DPYS: variants seen among roughly 807,000 people sequenced by gnomAD.
DPYS encodes dihydropyrimidine amidohydrolase.
A neutral mutation model predicts 50.3 loss-of-function variants in DPYS; 39 were observed. The ratio of observed to expected loss-of-function variants is 0.78; its 90% CI spans 0.60 to 1.01. DPYS has a LOEUF of 1.01. DPYS is among the 50% of genes least tolerant of loss of function. The pLI is 0.00. For synonymous variants in DPYS, 245 were observed against 250.7 expected (o/e 0.98, Z 0.22); for missense variants, 659 against 680.9 (o/e 0.97, Z 0.36).
At chr8:104,401,214 C>T (rs1400795422) in intron 7 of DPYS, among the ~76,000 whole-genome samples, 4 of 152,138 alleles carry the variant, frequency 2.6e-5, no homozygotes, top group Admixed American at 2.0e-4. Context: ...CCTCATCTCT[C>T]TACATTGTGT....
intron 4 of DPYS, 123 bp from the exon 5 acceptor site, chr8:104,429,824 C>A: frequency 1.7e-6 from 2 of 1,210,550 alleles, no homozygotes; most frequent in Non-Finnish European, 2.3e-6. Flanking sequence ...TTAGCAGAAT[C>A]CCAAACTATA....
intron 1 of DPYS, among the ~76,000 whole-genome samples, chr8:104,461,291 C>CAATAAAATAAAATAAAATAA (rs5893688): frequency 0.021 from 2,367 of 110,216 alleles, 79 homozygotes; most frequent in African/African-American, 0.065. Flanking sequence ...GACCCTGTCT[C>CAATAAAATAAAATAAAATAA]AATAAAATAA....
intron 7 of DPYS, among the ~76,000 whole-genome samples, chr8:104,414,291 T>A (rs918873053): frequency 2.0e-5 from 3 of 152,214 alleles, no homozygotes; most frequent in African/African-American, 7.2e-5. Context: ...TGTTATCTAA[T>A]TTTATGACTC....
chr8:104,453,569 T>G (rs929967153), intron 1 of DPYS, among the ~76,000 whole-genome samples: 1 of 152,214 alleles, frequency 6.6e-6, no homozygotes, highest in Non-Finnish European at 1.5e-5. Context: ...ACGCAGGATG[T>G]GGAGAAACTA....
At position 104,392,870 on chromosome 8, in the gene DPYS, A is replaced by G; in HGVS notation, c.1357T>C (p.Phe453Leu). 1 of 1,614,188 alleles carries G rather than the reference A, an allele frequency of 6.2e-7. No individual in the cohort carries two copies. The highest frequency in any genetic ancestry group is 1.3e-5 in the African/African-American group (1 of 75,038). ...TTCCCATCTCCTGCCGTGACACTGA[A>G]CACTCCGGCTTCATATACCACTTTG... ...RGKVVYEAGV[F>L]SVTAGDGKFI... Residue 453 changes from phenylalanine to leucine, a missense_variant, in exon 8 of 10, where the codon TTC becomes CTC. Transcript: ENST00000351513.
chr8:104,406,101 G>A (rs998965465), intron 7 of DPYS, among the ~76,000 whole-genome samples: 1 of 152,160 alleles, frequency 6.6e-6, no homozygotes, highest in Non-Finnish European at 1.5e-5. Context: ...ACAAACCTGG[G>A]CAGTCAGGCT....
chr8:104,453,390 G>C (rs964419026), intron 1 of DPYS, among the ~76,000 whole-genome samples: 1 of 152,216 alleles, frequency 6.6e-6, no homozygotes, highest in Admixed American at 6.5e-5. Flanking sequence ...CCTTCTAAAA[G>C]TGTCTTCCCA....
intron 7 of DPYS, among the ~76,000 whole-genome samples, chr8:104,416,188 C>G (rs144373405): frequency 3.0e-4 from 45 of 152,312 alleles, no homozygotes; most frequent in Middle Eastern, 3.4e-3. Flanking sequence ...ACTGCTCCCC[C>G]CCAATAGCCC....
At chr8:104,416,025 A>G (rs892746484) in intron 7 of DPYS, among the ~76,000 whole-genome samples, 10 of 152,192 alleles carry the variant, frequency 6.6e-5, no homozygotes, top group African/African-American at 2.4e-4. Flanking sequence ...AAAACTCACA[A>G]CAAAGCTAGG....
chr8:104,443,770 G>C (rs1813431124), intron 4 of DPYS, among the ~76,000 whole-genome samples: 1 of 152,144 alleles, frequency 6.6e-6, no homozygotes, highest in African/African-American at 2.4e-5. Context: ...GTGCTCACCT[G>C]TAATTCCAGC....
chr8:104,383,525 T>C (rs1368344633), intron 8 of DPYS, among the ~76,000 whole-genome samples: 1 of 152,080 alleles, frequency 6.6e-6, no homozygotes, highest in Non-Finnish European at 1.5e-5. Context: ...CTTTTTGTGG[T>C]TTGGCCTGGC....
At chr8:104,429,481 G>C (rs916308793) in intron 5 of DPYS, 64 bp downstream of exon 5, 8 of 1,607,146 alleles carry the variant, frequency 5.0e-6, no homozygotes, top group Non-Finnish European at 6.0e-6. Flanking sequence ...ATGGGAGGAC[G>C]AGCTCCCTTC....
At chr8:104,438,558 A>G (rs2853170) in intron 4 of DPYS, among the ~76,000 whole-genome samples, 137,916 of 152,154 alleles carry the variant, frequency 0.91, 63,079 homozygotes, top group Middle Eastern at 0.98. Flanking sequence ...TTAGTGCTAT[A>G]AATTTCTCTG....
chr8:104,430,678 C>A (rs1812924215), intron 4 of DPYS, among the ~76,000 whole-genome samples: 1 of 152,140 alleles, frequency 6.6e-6, no homozygotes, highest in South Asian at 2.1e-4. Flanking sequence ...AACACAGCAC[C>A]CTATTATTTC....
At chr8:104,399,307 A>ACC (rs1811704383) in intron 7 of DPYS, among the ~76,000 whole-genome samples, 1 of 37,234 alleles carries the variant, frequency 2.7e-5, no homozygotes, top group African/African-American at 6.5e-5. Flanking sequence ...AAAAAAAAAA[A>ACC]AAACAACAAC....
In DPYS at chr8:104,442,956, G is replaced by A. The variant is rs952087653; in HGVS notation, c.793+1292C>T. Among the ~76,000 whole-genome samples the A allele has an allele frequency of 5.9e-5, 9 of 152,282 alleles. No individual in the cohort carries two copies. The South Asian group carries it at 1.9e-3, about 32-fold the overall frequency. On this transcript the variant is annotated intron_variant, in intron 4 of 9. Transcript: ENST00000351513. ...ACATGCCTGTGGTCCCAGCTACTTGGGAGACTGAGATGGGAGGATCACTTG... is the reference window on the plus strand; with the variant it reads ...ACATGCCTGTGGTCCCAGCTACTTGAGAGACTGAGATGGGAGGATCACTTG...
chr8:104,437,406 T>C (rs1413594841), intron 4 of DPYS, among the ~76,000 whole-genome samples: 1 of 152,206 alleles, frequency 6.6e-6, no homozygotes, highest in Admixed American at 6.5e-5. Flanking sequence ...GAGTGACCTC[T>C]GGTCATCCTC....
intron 3 of DPYS, 127 bp from the exon 4 acceptor site, chr8:104,444,564 C>CTG (rs752536597): frequency 2.6e-5 from 23 of 898,610 alleles, no homozygotes; most frequent in South Asian, 7.5e-5. Context: ...GTGTGTGTGT[C>CTG]TGTGTGTGTG....
intron 8 of DPYS, among the ~76,000 whole-genome samples, chr8:104,386,116 A>G (rs143067911): frequency 1.8e-3 from 269 of 152,364 alleles, no homozygotes; most frequent in African/African-American, 6.3e-3. Context: ...AGAAATGAAA[A>G]TTATATAATT....
Sources: gnomAD v4.1 joint callset for allele counts (sites outside exome capture counted in the v4.1 genomes callset) on GRCh38, gnomAD v4.1.1 for gene constraint, MANE v1.5 for transcripts, NCBI Gene and HGNC (gene_info 2026-07-23, HGNC 2026-07-21) for gene names.